ATP6V0E1: variants seen among roughly 807,000 people sequenced by gnomAD.
ATP6V0E1 encodes the protein ATPase H+ transporting V0 subunit e1.
ATP6V0E1 carries 4 observed loss-of-function variants against 11.6 expected under a neutral mutation model. The observed-to-expected ratio is 0.35, with a 90% CI of 0.17 to 0.79. ATP6V0E1 has a LOEUF of 0.79. Ranked by LOEUF, ATP6V0E1 falls within the 30% of genes least tolerant of loss-of-function variation. The pLI is 0.54. For synonymous variants in ATP6V0E1, 36 were observed against 34.8 expected (o/e 1.04, Z -0.13); for missense variants, 105 against 100.0 (o/e 1.05, Z -0.21).
intron 3 of ATP6V0E1, among the ~76,000 whole-genome samples, chr5:173,031,649 T>C (rs1164770201): frequency 6.6e-6 from 1 of 151,472 alleles, no homozygotes; most frequent in Non-Finnish European, 1.5e-5. Flanking sequence ...AAACTCCGTC[T>C]CTACTAAAAA....
At chr5:173,028,065 C>T (rs1756590198) in intron 3 of ATP6V0E1, among the ~76,000 whole-genome samples, 1 of 152,166 alleles carries the variant, frequency 6.6e-6, no homozygotes, top group African/African-American at 2.4e-5. Flanking sequence ...CTCATGTTTT[C>T]ACTCTGGTCC....
chr5:172,992,444 G>T (rs1352114095), intron 1 of ATP6V0E1, among the ~76,000 whole-genome samples: 1 of 151,972 alleles, frequency 6.6e-6, no homozygotes, highest in Admixed American at 6.6e-5. Flanking sequence ...CTTTCCCCAG[G>T]CTCCTTGCTC....
intron 3 of ATP6V0E1, among the ~76,000 whole-genome samples, chr5:173,021,738 A>T (rs768153464): frequency 1.3e-5 from 2 of 152,158 alleles, no homozygotes; most frequent in African/African-American, 4.8e-5. Flanking sequence ...AATCCAAGCC[A>T]TATCAGTGCC....
chr5:173,016,039 A>G (rs899130896), intron 2 of ATP6V0E1, among the ~76,000 whole-genome samples: 3 of 152,206 alleles, frequency 2.0e-5, no homozygotes, highest in Admixed American at 1.3e-4. Flanking sequence ...TATCTTTTAT[A>G]GTAAACCAGA....
rs936642297 is a variant in ATP6V0E1 at position 172,984,630 on chromosome 5, A to G, written c.104+666A>G. Among the ~76,000 whole-genome samples, 7 of 152,350 alleles carry G rather than the reference A, an allele frequency of 4.6e-5. No individual in the cohort carries two copies. In the South Asian group the frequency reaches 1.4e-3, roughly 32 times the overall value. On this transcript the variant is annotated intron_variant, in intron 1 of 3. Transcript: ENST00000519374. ...TGGCTAAGAAAGATTTTGTTTTTCC[A>G]GACTTCTTTGTTGGTTAGAGCTTTG...
chr5:172,993,236 C>G (rs1756011885), intron 1 of ATP6V0E1, among the ~76,000 whole-genome samples: 1 of 152,184 alleles, frequency 6.6e-6, no homozygotes, highest in Admixed American at 6.5e-5. Flanking sequence ...AATACACACA[C>G]AGTGGCTCAT....
At chr5:172,998,999 G>T (rs867984752) in intron 2 of ATP6V0E1, among the ~76,000 whole-genome samples, 1 of 152,096 alleles carries the variant, frequency 6.6e-6, no homozygotes, top group African/African-American at 2.4e-5. Flanking sequence ...AGCCCCATGT[G>T]GTGGCGGGCA....
chr5:172,984,062 G>A, intron 1 of ATP6V0E1, 98 bp downstream of exon 1: 3 of 1,177,918 alleles, frequency 2.5e-6, no homozygotes, highest in Non-Finnish European at 3.8e-6. Context: ...AGAGAACGTT[G>A]CATGGGCGCC....
intron 2 of ATP6V0E1, among the ~76,000 whole-genome samples, chr5:173,006,709 C>G (rs928118570): frequency 3.3e-5 from 5 of 152,210 alleles, no homozygotes; most frequent in Non-Finnish European, 7.3e-5. Context: ...AACAGAAGCT[C>G]AAGTCCGTGT....
At chr5:173,027,381 A>T (rs1217546363) in intron 3 of ATP6V0E1, among the ~76,000 whole-genome samples, 5 of 139,208 alleles carry the variant, frequency 3.6e-5, no homozygotes, top group Non-Finnish European at 3.1e-5. Flanking sequence ...GGGTGCCTGT[A>T]GTCCCAGTTA....
intron 3 of ATP6V0E1, among the ~76,000 whole-genome samples, chr5:173,027,579 A>T (rs1208224941): frequency 6.6e-6 from 1 of 150,776 alleles, no homozygotes; most frequent in Non-Finnish European, 1.5e-5. Context: ...TTAAATATAT[A>T]TATTTTATAT....
chr5:173,018,548 G>A (rs2113605747), intron 2 of ATP6V0E1, among the ~76,000 whole-genome samples: 1 of 152,306 alleles, frequency 6.6e-6, no homozygotes, highest in East Asian at 1.9e-4. Flanking sequence ...TAAAGGCAGT[G>A]TGTATTCTGC....
At chr5:173,010,831 G>A (rs1045041894) in intron 2 of ATP6V0E1, among the ~76,000 whole-genome samples, 1 of 152,184 alleles carries the variant, frequency 6.6e-6, no homozygotes, top group African/African-American at 2.4e-5. Context: ...AGTAACCTGT[G>A]CCTTTGTTCC....
At chr5:173,008,149 AAAGT>A (rs1756257769) in intron 2 of ATP6V0E1, among the ~76,000 whole-genome samples, 1 of 152,156 alleles carries the variant, frequency 6.6e-6, no homozygotes, top group Admixed American at 6.5e-5. Flanking sequence ...CAGGAGAAAT[AAAGT>A]AATTCACTTG....
At chr5:173,005,714 G>T (rs1485666187) in intron 2 of ATP6V0E1, among the ~76,000 whole-genome samples, 1 of 151,752 alleles carries the variant, frequency 6.6e-6, no homozygotes, top group Non-Finnish European at 1.5e-5. Flanking sequence ...ATTTAATTTC[G>T]TCTTTTCTAG....
intron 1 of ATP6V0E1, among the ~76,000 whole-genome samples, chr5:172,989,332 C>G (rs1380394173): frequency 6.6e-6 from 1 of 152,052 alleles, no homozygotes; most frequent in African/African-American, 2.4e-5. Flanking sequence ...GAGTGAGACC[C>G]CATCCCTTAA....
At chr5:172,992,542 C>T (rs73803692) in intron 1 of ATP6V0E1, among the ~76,000 whole-genome samples, 3 of 152,054 alleles carry the variant, frequency 2.0e-5, no homozygotes, top group Admixed American at 6.6e-5. Context: ...TGGAACACTC[C>T]GTCACCTTGT....
chr5:172,993,037 A>G (rs1756009528), intron 1 of ATP6V0E1, among the ~76,000 whole-genome samples: 2 of 151,780 alleles, frequency 1.3e-5, no homozygotes, highest in African/African-American at 4.8e-5. Flanking sequence ...TGACCTCTTG[A>G]TCCGCCTGCC....
chr5:172,997,748 G>A (rs1408744397), intron 2 of ATP6V0E1, among the ~76,000 whole-genome samples: 1 of 151,686 alleles, frequency 6.6e-6, no homozygotes, highest in Non-Finnish European at 1.5e-5. Flanking sequence ...CGGAGGCGGA[G>A]CTTGCAGTGA....
Sources: allele counts gnomAD v4.1 joint callset (sites outside exome capture counted in the v4.1 genomes callset), GRCh38; gene constraint gnomAD v4.1.1; transcripts MANE v1.5; gene names NCBI Gene and HGNC (gene_info 2026-07-23, HGNC 2026-07-21).